The following MANSC1 variants were observed in gnomAD, a reference collection of about 807,000 sequenced individuals.
MANSC1 encodes the protein MANSC domain-containing protein 1.
A neutral mutation model predicts 14.1 loss-of-function variants in MANSC1; 13 were observed. The ratio of observed to expected loss-of-function variants is 0.92; its 90% CI spans 0.60 to 1.46. The LOEUF is 1.46. MANSC1 is among the 40% of genes most tolerant of loss of function. The probability of loss-of-function intolerance (pLI) is 0.00; values close to 1 mark genes in which losing one functional copy is unlikely to be tolerated. For missense variants in MANSC1, 486 were observed against 511.4 expected, an observed-to-expected ratio of 0.95 and a Z score of 0.48; for synonymous variants, 227 against 200.7, an observed-to-expected ratio of 1.13 and a Z score of -1.11.
rs1425945847 is a variant in MANSC1, at chr12:12,330,375, G to C, written c.948C>G (p.Ser316Arg). 1.2e-6 allele frequency: 2 copies of C among 1,614,240 alleles called. No individual in the cohort carries two copies. Among genetic ancestry groups the C allele is most frequent in the Non-Finnish European group, 1.7e-6 (2 of 1,180,052 alleles). The change falls in exon 4 of 4, where the codon AGC becomes AGG. Residue 316 changes from serine to arginine, a missense_variant. Coordinates refer to ENST00000535902, the MANE Select transcript of MANSC1 (RefSeq NM_018050.4). ...TFQAPTDSKG[S>R]LETIPFTEIS... ...TTTCTGTAAACGGTATGGTTTCTAA[G>C]CTGCCTTTCGAGTCCGTAGGTGCCT... is the stretch of plus-strand genomic sequence containing the variant.
Position 12,330,407 on chromosome 12 carries a change from T to C in MANSC1, c.916A>G (p.Thr306Ala). ...AMATTAVLTT[T>A]FQAPTDSKGS... ...TTCGAGTCCGTAGGTGCCTGAAAGG[T>C]GGTAGTCAGAACTGCTGTTGTAGCC... Residue 306 changes from threonine (T) to alanine (A), a missense_variant, in exon 4 of 4, where the codon ACC becomes GCC. Coordinates refer to ENST00000535902, the MANE Select transcript of MANSC1 (RefSeq NM_018050.4). The C allele has an allele frequency of 6.2e-7, 1 of 1,614,136 alleles. No individual in the cohort carries two copies. Among genetic ancestry groups the C allele is most frequent in the Non-Finnish European group, 8.5e-7 (1 of 1,180,036 alleles).
intron 2 of MANSC1, among the ~76,000 whole-genome samples, chr12:12,341,256 T>C (rs986301844): frequency 1.3e-5 from 2 of 152,182 alleles, no homozygotes; most frequent in African/African-American, 2.4e-5. Flanking sequence ...GTATTTACTA[T>C]TACAGTTTAT....
At chr12:12,347,333 A>G (rs1049207693) in intron 1 of MANSC1, among the ~76,000 whole-genome samples, 2 of 152,144 alleles carry the variant, frequency 1.3e-5, no homozygotes, top group African/African-American at 4.8e-5. Flanking sequence ...GCAGTTCACA[A>G]CAGGGTTCGT....
chr12:12,345,302 A>G (rs1313513129), intron 1 of MANSC1, among the ~76,000 whole-genome samples: 1 of 148,222 alleles, frequency 6.7e-6, no homozygotes, highest in Non-Finnish European at 1.5e-5. Flanking sequence ...CCTGGGTGAC[A>G]AGAGCAAAAC....
chr12:12,344,957 ATATATATATATT>A, intron 1 of MANSC1, among the ~76,000 whole-genome samples: 1 of 95,648 alleles, frequency 1.0e-5, no homozygotes, highest in Non-Finnish European at 2.1e-5. Flanking sequence ...ATATATATAT[ATATATATATATT>A]ACACTAGTTC....
At chr12:12,343,009 G>T in intron 2 of MANSC1, 83 bp downstream of exon 2, 2 of 943,196 alleles carry the variant, frequency 2.1e-6, no homozygotes, top group South Asian at 2.8e-5. Flanking sequence ...AGAATCACTG[G>T]TATAAGTTAT....
intron 2 of MANSC1, among the ~76,000 whole-genome samples, chr12:12,341,833 A>G (rs934813619): frequency 6.6e-6 from 1 of 152,252 alleles, no homozygotes; most frequent in Admixed American, 6.5e-5. Flanking sequence ...TCTATTGAAA[A>G]TAGTAAAAAT....
rs1265746669 is a variant in MANSC1 at position 12,326,063 on chromosome 12, G to C, written c.*3964C>G. 6.6e-6 allele frequency: 1 copy of C among 152,190 alleles called. No individual in the cohort carries two copies. The highest frequency in any genetic ancestry group is 2.4e-5 in the African/African-American group (1 of 41,438). 9.4% of individuals were successfully genotyped at this position (152,190 alleles called of 1,614,324 possible). ...AATCATAGAATACTCGACTGAAAGTGGTACAAATATTAGAGATTTATTATT... is the reference window on the plus strand; with the variant it reads ...AATCATAGAATACTCGACTGAAAGTCGTACAAATATTAGAGATTTATTATT... On this transcript the variant is annotated 3_prime_UTR_variant, in exon 4 of 4. Coordinates refer to ENST00000535902, the MANE Select transcript of MANSC1 (RefSeq NM_018050.4).
chr12:12,337,721 T>C (rs1453496449), intron 3 of MANSC1, among the ~76,000 whole-genome samples: 1 of 152,102 alleles, frequency 6.6e-6, no homozygotes, highest in Non-Finnish European at 1.5e-5. Context: ...AAAAGAAAAA[T>C]TGATACTGAA....
At chr12:12,331,202 G>A (rs78807762) in intron 3 of MANSC1, among the ~76,000 whole-genome samples, 13,972 of 152,158 alleles carry the variant, frequency 0.092, 682 homozygotes, top group Non-Finnish European at 0.11. Context: ...CCAAACTGTT[G>A]ATACTTGACA....
Position 12,330,613 on chromosome 12 carries a change from G to T in MANSC1, c.710C>A (p.Thr237Asn), listed in dbSNP as rs775965359. The T allele has an allele frequency of 6.2e-7, 1 of 1,614,172 alleles. No individual in the cohort carries two copies. Residue 237 changes from threonine (T) to asparagine (N), a missense_variant, in exon 4 of 4, where the codon ACC becomes AAC. Coordinates refer to ENST00000535902, the MANE Select transcript of MANSC1 (RefSeq NM_018050.4). ...GGCGGGCTTTGGAGTAGCCGAGGTG[G>T]TATGTGGAGAAGCAACTGCCACCGT... ...PATVAVASPH[T>N]TSATPKPATL...
chr12:12,331,782 GCAA>G (rs1361111480), intron 3 of MANSC1, among the ~76,000 whole-genome samples: 1 of 152,164 alleles, frequency 6.6e-6, no homozygotes, highest in Non-Finnish European at 1.5e-5. Flanking sequence ...CAGCAGAACA[GCAA>G]CAACGACAAC....
At chr12:12,341,098 C>G (rs187496322) in intron 2 of MANSC1, among the ~76,000 whole-genome samples, 1 of 152,130 alleles carries the variant, frequency 6.6e-6, no homozygotes, top group Admixed American at 6.6e-5. Flanking sequence ...AGACTGCCCT[C>G]ATTTCAGAAG....
rs1201214779 is a variant in MANSC1, at chr12:12,338,570, A to G, written c.224-10T>C. 6.2e-7 allele frequency: 1 copy of G among 1,607,488 alleles called. No individual in the cohort carries two copies. The highest frequency in any genetic ancestry group is 8.5e-7 in the Non-Finnish European group (1 of 1,178,490). On this transcript the variant is annotated splice_polypyrimidine_tract_variant and intron_variant, in intron 2 of 3. Coordinates refer to ENST00000535902, the MANE Select transcript of MANSC1 (RefSeq NM_018050.4). Reference sequence around the variant, plus strand: ...TTACATGCTTTGTCCCCTGCAATGAAAGGTTTCATAAGCATGATTTTGAAA... The same window carrying G: ...TTACATGCTTTGTCCCCTGCAATGAGAGGTTTCATAAGCATGATTTTGAAA...
At chr12:12,338,169 C>T (rs182825421) in intron 3 of MANSC1, among the ~76,000 whole-genome samples, 5 of 152,256 alleles carry the variant, frequency 3.3e-5, no homozygotes, top group African/African-American at 9.6e-5. Context: ...GCTTCAAAAA[C>T]GTTTCATACA....
chr12:12,334,839 T>A (rs920644156), intron 3 of MANSC1, among the ~76,000 whole-genome samples: 1 of 152,180 alleles, frequency 6.6e-6, no homozygotes, highest in Admixed American at 6.5e-5. Flanking sequence ...ACGCTCCTGT[T>A]TGAGAGGATG....
intron 3 of MANSC1, 42 bp downstream of exon 3, chr12:12,338,378 A>G: frequency 6.6e-7 from 1 of 1,515,284 alleles, no homozygotes; most frequent in Non-Finnish European, 8.9e-7. Flanking sequence ...CCAGTCTTAA[A>G]TTATTCCAAT....
At chr12:12,347,510 A>C (rs183602977) in intron 1 of MANSC1, among the ~76,000 whole-genome samples, 2 of 152,338 alleles carry the variant, frequency 1.3e-5, no homozygotes, top group African/African-American at 4.8e-5. Context: ...GGGTTGGGGA[A>C]CCCTGTGATA....
chr12:12,341,541 G>T (rs527644066), intron 2 of MANSC1, among the ~76,000 whole-genome samples: 1 of 152,322 alleles, frequency 6.6e-6, no homozygotes, highest in South Asian at 2.1e-4. Flanking sequence ...GAAAGGGGCT[G>T]GTTATGAATA....
Sources: gnomAD v4.1 joint callset for allele counts (sites outside exome capture counted in the v4.1 genomes callset) on GRCh38, gnomAD v4.1.1 for gene constraint, MANE v1.5 for transcripts, NCBI Gene and HGNC (gene_info 2026-07-23, HGNC 2026-07-21) for gene names.